Variants in COLEC12 observed in about 807,000 individuals in gnomAD.
COLEC12 encodes the protein collectin-12.
A neutral mutation model predicts 71.1 loss-of-function variants in COLEC12; 33 were observed. The observed-to-expected ratio is 0.46, with a 90% CI of 0.35 to 0.62. COLEC12 has a LOEUF of 0.62. COLEC12 is among the 20% of genes least tolerant of loss of function. COLEC12 has a pLI of 0.00. For missense variants in COLEC12, 765 were observed against 916.1 expected, an observed-to-expected ratio of 0.84 and a Z score of 2.13; for synonymous variants, 350 against 353.0, an observed-to-expected ratio of 0.99 and a Z score of 0.10.
At chr18:485,247 G>T (rs191717570) in intron 1 of COLEC12, among the ~76,000 whole-genome samples, 2 of 152,158 alleles carry the variant, frequency 1.3e-5, no homozygotes, top group African/African-American at 2.4e-5. Flanking sequence ...TTCTTCTGAG[G>T]TCAGTCTCTT....
chr18:328,217 T>C (rs1025120732), intron 8 of COLEC12, among the ~76,000 whole-genome samples: 14 of 152,220 alleles, frequency 9.2e-5, no homozygotes, highest in African/African-American at 3.1e-4. Flanking sequence ...TGCGATGATC[T>C]GTTCCAGAAA....
At chr18:363,843 G>C (rs1192737643) in intron 2 of COLEC12, among the ~76,000 whole-genome samples, 1 of 152,112 alleles carries the variant, frequency 6.6e-6, no homozygotes, top group Non-Finnish European at 1.5e-5. Context: ...GAGTAATTTA[G>C]TTCCCCAAAT....
chr18:479,015 G>A (rs1213468869), intron 2 of COLEC12, among the ~76,000 whole-genome samples: 1 of 151,314 alleles, frequency 6.6e-6, no homozygotes, highest in East Asian at 1.9e-4. Context: ...CCTTTCTAAA[G>A]AGACTTTCTC....
rs758426546 is a variant in COLEC12 at position 335,035 on chromosome 18, T to C, written c.1523A>G (p.Lys508Arg). ...CTTCCCAGGGGAACCACGGGAGCCT[T>C]TGGGGCCCTGGGAGCCTTTAGATCC... is the stretch of plus-strand genomic sequence containing the variant. ...GKGSKGSQGP[K>R]GSRGSPGKPG... The change falls in exon 6 of 10, where the codon AAA becomes AGA. Residue 508 changes from lysine (K) to arginine (R), a missense_variant. By Grantham distance (26) the Lys-to-Arg change is conservative (BLOSUM62 2). Transcript: ENST00000400256. 3.1e-6 allele frequency: 5 copies of C among 1,597,518 alleles called. No homozygotes were observed. The Admixed American group carries it at 5.4e-5, about 17-fold the overall frequency.
Position 362,194 on chromosome 18 carries a change from A to G in COLEC12, c.59-4672T>C, listed in dbSNP as rs1324152997. ...GCCCGGACAGCTGTCACTGGTTCAC[A>G]TTCCAAAGAGCTGGGGCACTTCCTC... On this transcript the variant is annotated intron_variant, in intron 2 of 9. Transcript: ENST00000400256. This position sits in a 1 kb window ranked among gnomAD's most constrained non-coding sequence, Gnocchi z 4.6. Among the ~76,000 whole-genome samples, 1 of 152,150 alleles carries G rather than the reference A, an allele frequency of 6.6e-6. No individual in the cohort carries two copies. Among genetic ancestry groups the G allele is most frequent in the Non-Finnish European group, 1.5e-5 (1 of 68,036 alleles).
rs752182447 is a variant in COLEC12, at chr18:459,786, T to A, written c.58+20921A>T. Among the ~76,000 whole-genome samples the A allele has an allele frequency of 3.3e-5, 5 of 152,244 alleles. 1 individual carries two copies. Among genetic ancestry groups the A allele is most frequent in the Non-Finnish European group, 7.3e-5 (5 of 68,034 alleles). On this transcript the variant is annotated intron_variant, in intron 2 of 9. Coordinates refer to ENST00000400256, the MANE Select transcript of COLEC12 (RefSeq NM_130386.3). ...GTACAGGAGAGAAATGGATGCTTAG[T>A]ACCATCTCAAAGGAGATGATTGCTC... is the stretch of plus-strand genomic sequence containing the variant.
intron 1 of COLEC12, among the ~76,000 whole-genome samples, chr18:496,446 C>T (rs551788908): frequency 6.6e-6 from 1 of 152,298 alleles, no homozygotes; most frequent in Admixed American, 6.5e-5. Context: ...AGGGCAGCCC[C>T]TATTACCAAT....
In COLEC12 at chr18:334,730, G is replaced by C; in HGVS notation, c.1816+12C>G. The C allele has an allele frequency of 6.8e-7, 1 of 1,463,932 alleles. No homozygotes were observed. Among genetic ancestry groups the C allele is most frequent in the African/African-American group, 1.5e-5 (1 of 68,042 alleles). The allele number at this position is 1,463,932 out of a possible 1,614,324, so 90.7% of individuals were successfully genotyped here. On this transcript the variant is annotated intron_variant, in intron 6 of 9. Transcript: ENST00000400256. Reference sequence around the variant, plus strand: ...CCCTGTCCCCCTGGCTGGAGGGAGGGCTTGGACTTACCATTGTCCTCCGGT... The same window carrying C: ...CCCTGTCCCCCTGGCTGGAGGGAGGCCTTGGACTTACCATTGTCCTCCGGT...
chr18:449,269 A>G (rs1916711629), intron 2 of COLEC12, among the ~76,000 whole-genome samples: 1 of 152,170 alleles, frequency 6.6e-6, no homozygotes, highest in Non-Finnish European at 1.5e-5. Flanking sequence ...AGTAACCAGG[A>G]AAAAAAGAAG....
At position 318,879 on chromosome 18, in the gene COLEC12, G is replaced by T. The variant is rs1007636467; in HGVS notation, c.*1166C>A. 1.3e-5 allele frequency: 2 copies of T among 152,124 alleles called. No homozygotes were observed. The highest frequency in any genetic ancestry group is 2.9e-5 in the Non-Finnish European group (2 of 68,028). The allele number at this position is 152,124 out of a possible 1,614,324, so 9.4% of individuals were successfully genotyped here. A position where few individuals can be genotyped will look rare whatever the true frequency, so the allele number is the denominator to read the frequency against. On this transcript the variant is annotated 3_prime_UTR_variant, in exon 10 of 10. Transcript: ENST00000400256. Reference sequence around the variant, plus strand: ...CGTATGCCTTGGAGTTATGTTTTTGGAATATGACTTAAGAAAACAAACTTT... The same window carrying T: ...CGTATGCCTTGGAGTTATGTTTTTGTAATATGACTTAAGAAAACAAACTTT...
intron 2 of COLEC12, among the ~76,000 whole-genome samples, chr18:476,932 T>C (rs933601730): frequency 1.3e-5 from 2 of 152,156 alleles, no homozygotes; most frequent in African/African-American, 2.4e-5. Flanking sequence ...GCTCACTTAA[T>C]TAACCCTTCA....
At chr18:483,286 G>A (rs1302202207) in intron 1 of COLEC12, among the ~76,000 whole-genome samples, 1 of 151,792 alleles carries the variant, frequency 6.6e-6, no homozygotes, top group East Asian at 1.9e-4. Context: ...TGTAATCCCC[G>A]CTACTTGGGA....
In COLEC12 at chr18:343,862, T is replaced by C. The variant is rs192456240; in HGVS notation, c.1327+2433A>G. On this transcript the variant is annotated intron_variant, in intron 5 of 9. Transcript: ENST00000400256. Reference sequence around the variant, plus strand: ...TTCATAGAGCTGCTGTCAGGATTCATTGGGACGTTGGTGAAAAGTGCTCAG... The same window carrying C: ...TTCATAGAGCTGCTGTCAGGATTCACTGGGACGTTGGTGAAAAGTGCTCAG... 2.7e-3 allele frequency among the ~76,000 whole-genome samples: 410 copies of C among 152,324 alleles called. 1 individual carries two copies. The highest frequency in any genetic ancestry group is 4.6e-3 in the Non-Finnish European group (311 of 68,038).
At chr18:333,798 A>C (rs1198167022) in intron 6 of COLEC12, 3 of 152,240 alleles carry the variant, frequency 2.0e-5, no homozygotes, top group Non-Finnish European at 4.4e-5. Context: ...ATGTAAAACG[A>C]GGGAAGAGCG....
chr18:330,028 T>C (rs955578954), intron 8 of COLEC12, among the ~76,000 whole-genome samples: 13 of 152,262 alleles, frequency 8.5e-5, no homozygotes, highest in Non-Finnish European at 1.6e-4. Context: ...CAGTGAGCCA[T>C]GATCGTGCCA....
At chr18:447,216 A>G (rs1916670631) in intron 2 of COLEC12, among the ~76,000 whole-genome samples, 1 of 152,244 alleles carries the variant, frequency 6.6e-6, no homozygotes, top group South Asian at 2.1e-4. Flanking sequence ...AGTATCTTCC[A>G]GTAAACTCCC....
intron 1 of COLEC12, among the ~76,000 whole-genome samples, chr18:488,847 T>C (rs556521031): frequency 6.7e-6 from 1 of 150,318 alleles, no homozygotes; most frequent in Admixed American, 6.7e-5. Flanking sequence ...CACTCCAGCC[T>C]AGGCGACAGA....
intron 2 of COLEC12, among the ~76,000 whole-genome samples, chr18:475,074 C>CAAAA (rs757096561): frequency 9.8e-6 from 1 of 101,602 alleles, no homozygotes; most frequent in African/African-American, 3.9e-5. Flanking sequence ...AACTCCGTCT[C>CAAAA]AAAAATAAAT....
At chr18:478,700 C>CAT (rs1288495355) in intron 2 of COLEC12, among the ~76,000 whole-genome samples, 1 of 152,202 alleles carries the variant, frequency 6.6e-6, no homozygotes, top group Non-Finnish European at 1.5e-5. Context: ...GCTGGATATC[C>CAT]ATCGCCTTGC....
Sources: gnomAD v4.1 joint callset for allele counts (sites outside exome capture counted in the v4.1 genomes callset) on GRCh38, gnomAD v4.1.1 for gene constraint, Gnocchi (gnomAD v3.1) non-coding constraint, MANE v1.5 for transcripts, NCBI Gene and HGNC (gene_info 2026-07-23, HGNC 2026-07-21) for gene names.